The following CDH23 variants were observed in gnomAD, a reference collection of about 807,000 sequenced individuals.
CDH23 encodes the protein cadherin related 23, also known as cadherin-23.
In CDH23, 189 loss-of-function variants were observed where a neutral mutation model predicts 317.1. The observed-to-expected ratio is 0.60, with a 90% CI of 0.53 to 0.67. The LOEUF (loss-of-function observed/expected upper bound fraction) is 0.67. Among genes scored for constraint, CDH23 ranks in the 30% least tolerant of loss-of-function variants. The pLI, the probability that CDH23 is intolerant of heterozygous loss-of-function variation, is 0.00. For synonymous variants in CDH23, 1,839 were observed against 1,876.8 expected, an observed-to-expected ratio of 0.98 and a Z score of 0.52; for missense variants, 4,401 against 4,592.4, an observed-to-expected ratio of 0.96 and a Z score of 1.20.
chr10:71,732,358 A>G lies in CDH23; in HGVS notation c.4087A>G (p.Lys1363Glu). Residue 1363 changes from lysine (K) to glutamate (E), a missense_variant, in exon 32 of 70, where the codon AAG becomes GAG. By Grantham distance (56) the Lys-to-Glu change is moderately conservative. Around this residue, in one of 3 missense-constraint regions of CDH23, gnomAD observed 3,068 missense variants for 3,203.3 expected, o/e 0.96. Transcript: ENST00000224721. ...CAGCACCCAGGCCAAAGCCCTCTTC[A>G]AGATAGACGCCATCACGGTGAGGGG... ...YTSTQAKALF[K>E]IDAITGVITV... The G allele has an allele frequency of 6.4e-6, 10 of 1,569,288 alleles. No homozygotes were observed. Among genetic ancestry groups the G allele is most frequent in the Non-Finnish European group, 8.6e-6 (10 of 1,156,754 alleles).
chr10:71,465,868 G>T (rs971598355), intron 3 of CDH23, among the ~76,000 whole-genome samples: 2 of 151,596 alleles, frequency 1.3e-5, no homozygotes, highest in Non-Finnish European at 2.9e-5. Context: ...TACTGAACAA[G>T]GGGAGAGGAA....
rs143398824 is a variant in CDH23, at chr10:71,534,321, TCA to T, written c.429+23112_429+23113del. ...ACCACAGAGCACCTGTCCTGATTTT[TCA>T]CAGTTTTCTTGCCACTCTCATGTCT... On this transcript the variant is annotated intron_variant, in intron 6 of 69. Coordinates refer to ENST00000224721, the MANE Select transcript of CDH23 (RefSeq NM_022124.6). Among the ~76,000 whole-genome samples the T allele has an allele frequency of 6.3e-3, 957 of 152,270 alleles. 12 individuals are homozygous for T. Among genetic ancestry groups the T allele is most frequent in the African/African-American group, 0.019 (808 of 41,548 alleles).
At chr10:71,747,994 G>A (rs1001686411) in intron 38 of CDH23, 1 of 152,288 alleles carries the variant, frequency 6.6e-6, no homozygotes, top group Non-Finnish European at 1.5e-5. Flanking sequence ...GCTGTGGCTG[G>A]GCTTCAAGAG....
rs761623919 is a variant in CDH23, at chr10:71,645,869, C to A, written c.1179C>A (p.Asn393Lys). The A allele has an allele frequency of 5.6e-6, 9 of 1,612,996 alleles. No homozygotes were observed. The highest frequency in any genetic ancestry group is 1.3e-5 in the African/African-American group (1 of 74,926). ...NSMFEVYLVGNNSHHFIISPT... is the reference protein window; with the variant it reads ...NSMFEVYLVGKNSHHFIISPT... ...TGTTTGAGGTGTACTTGGTGGGGAA[C>A]AACTCCCACCACTTCATCATCTCCC... The change falls in exon 13 of 70, where the codon AAC (asparagine) becomes AAA (lysine). Residue 393 changes from asparagine to lysine, a missense_variant. Coordinates refer to ENST00000224721, the MANE Select transcript of CDH23 (RefSeq NM_022124.6).
At chr10:71,530,303 C>T (rs1218617690) in intron 6 of CDH23, among the ~76,000 whole-genome samples, 1 of 152,202 alleles carries the variant, frequency 6.6e-6, no homozygotes, top group Non-Finnish European at 1.5e-5. Flanking sequence ...GAGAGAGGCC[C>T]ACCTTTCCCG....
intron 6 of CDH23, among the ~76,000 whole-genome samples, chr10:71,526,928 G>A (rs1043229071): frequency 1.3e-5 from 2 of 152,124 alleles, no homozygotes; most frequent in Admixed American, 1.3e-4. Flanking sequence ...CCAAGGGCTG[G>A]GCTGCAGAGG....
In CDH23 at chr10:71,811,638, G is replaced by A. The variant is rs376351221; in HGVS notation, c.9278+48G>A. The stretch of plus-strand genomic sequence containing the variant: ...ATCAGGGGGCCGACCACCTGCTCCC[G>A]GATGGCCACGAGGCAGGCAGGGCCT... On this transcript the variant is annotated intron_variant, in intron 64 of 69. Coordinates refer to ENST00000224721, the MANE Select transcript of CDH23 (RefSeq NM_022124.6). 2.5e-5 allele frequency: 41 copies of A among 1,613,610 alleles called. No individual in the cohort carries two copies. The East Asian group carries it at 2.9e-4, about 11-fold the overall frequency.
At chr10:71,555,913 A>C (rs1856849293) in intron 6 of CDH23, among the ~76,000 whole-genome samples, 1 of 152,196 alleles carries the variant, frequency 6.6e-6, no homozygotes, top group Non-Finnish European at 1.5e-5. Context: ...CCCCAGACCC[A>C]GGCATGTGTG....
intron 6 of CDH23, among the ~76,000 whole-genome samples, chr10:71,558,790 A>G (rs538289815): frequency 2.6e-5 from 4 of 152,168 alleles, no homozygotes; most frequent in Non-Finnish European, 4.4e-5. Context: ...CAACATGTCA[A>G]TGTTTGTGTT....
intron 26 of CDH23, chr10:71,707,412 ATG>A (rs780842307): frequency 6.9e-6 from 9 of 1,306,558 alleles, no homozygotes; most frequent in South Asian, 4.3e-5. Context: ...ACTTGGAGGA[ATG>A]TGGCCTCATC....
At chr10:71,733,040 C>T (rs1479236373) in intron 32 of CDH23, among the ~76,000 whole-genome samples, 1 of 152,016 alleles carries the variant, frequency 6.6e-6, no homozygotes, top group Admixed American at 6.5e-5. Flanking sequence ...CCAATCACAA[C>T]CTCTAGGTTG....
In CDH23 at chr10:71,667,359, A is replaced by AGAGAGAGAGTGTGTGT. The variant is rs58361666; in HGVS notation, c.1450-7752_1450-7751insAGAGAGAGTGTGTGTG. ...GCTTGAGGCAGAGAAAGAGAGAGAGAGTGTGTGTGTGTGTGTGTGTGTGTG... is the reference window on the plus strand; with the variant it reads ...GCTTGAGGCAGAGAAAGAGAGAGAGAGAGAGAGAGTGTGTGTGTGTGTGTGTGTGTGTGTGTGTGTG... On this transcript the variant is annotated intron_variant, in intron 14 of 69. Coordinates refer to ENST00000224721, the MANE Select transcript of CDH23 (RefSeq NM_022124.6). Among the ~76,000 whole-genome samples, 562 of 112,036 alleles carry AGAGAGAGAGTGTGTGT rather than the reference A, an allele frequency of 5.0e-3. 4 individuals are homozygous for AGAGAGAGAGTGTGTGT. Among genetic ancestry groups the AGAGAGAGAGTGTGTGT allele is most frequent in the South Asian group, 0.014 (41 of 2,920 alleles). The allele number at this position is 112,036 out of a possible 152,430, so 73.5% of individuals were successfully genotyped here.
At position 71,812,605 on chromosome 10, in the gene CDH23, C is replaced by A. The variant is rs780704751; in HGVS notation, c.9506C>A (p.Thr3169Asn). 1 of 1,613,898 alleles carries A rather than the reference C, an allele frequency of 6.2e-7. No homozygotes were observed. The highest frequency in any genetic ancestry group is 8.5e-7 in the Non-Finnish European group (1 of 1,179,892). Reference sequence around the variant, plus strand: ...GACCTGTGGAACAGCCCCACGCGCACCCATGTGAGCCAGAGGCGGTCAGGC... The same window carrying A: ...GACCTGTGGAACAGCCCCACGCGCAACCATGTGAGCCAGAGGCGGTCAGGC... The part of the protein sequence containing the change: ...IADLWNSPTR[T>N]HGTFGREPAA... Residue 3169 changes from threonine to asparagine, a missense_variant, in exon 67 of 70, where the codon ACC (threonine) becomes AAC (asparagine). This residue lies in a region of CDH23 where 1,144 missense variants were observed against 1,138.2 expected (regional missense o/e 1.01). Coordinates refer to ENST00000224721, the MANE Select transcript of CDH23 (RefSeq NM_022124.6).
chr10:71,627,462 T>C lies in CDH23; in HGVS notation c.1134+10069T>C, dbSNP rs187870113. 2.4e-3 allele frequency among the ~76,000 whole-genome samples: 367 copies of C among 152,296 alleles called. 2 individuals carry two copies. The highest frequency in any genetic ancestry group is 8.5e-3 in the African/African-American group (353 of 41,552). On this transcript the variant is annotated intron_variant, in intron 11 of 69. Coordinates refer to ENST00000224721, the MANE Select transcript of CDH23 (RefSeq NM_022124.6). ...CCTCCCAGCGTGCTAAGCTCCAGCC[T>C]CCCTGGGGACCAGAGGGTGGCCTCT... is the stretch of plus-strand genomic sequence containing the variant.
At chr10:71,610,784 T>G (rs1008517318) in intron 9 of CDH23, among the ~76,000 whole-genome samples, 4 of 149,188 alleles carry the variant, frequency 2.7e-5, no homozygotes, top group Non-Finnish European at 5.9e-5. Flanking sequence ...TGAAAAGGTC[T>G]TGATTCCTGG....
At chr10:71,532,737 T>TTTTTTTTTTTG (rs1855471599) in intron 6 of CDH23, among the ~76,000 whole-genome samples, 5 of 86,220 alleles carry the variant, frequency 5.8e-5, no homozygotes, top group African/African-American at 9.0e-5. Context: ...GTTTTTTTTT[T>TTTTTTTTTTTG]TTTTTTTTTT....
At chr10:71,573,256 G>A (rs930540313) in intron 8 of CDH23, among the ~76,000 whole-genome samples, 6 of 152,060 alleles carry the variant, frequency 3.9e-5, no homozygotes, top group Admixed American at 1.3e-4. Flanking sequence ...CGTTGTAGTT[G>A]GCAAGAGGTG....
At chr10:71,517,330 A>G (rs1460484588) in intron 6 of CDH23, among the ~76,000 whole-genome samples, 1 of 152,112 alleles carries the variant, frequency 6.6e-6, no homozygotes, top group African/African-American at 2.4e-5. Context: ...GCTGGTGCCC[A>G]CTAGTTCCTG....
chr10:71,606,956 C>T (rs1413907824), intron 9 of CDH23, among the ~76,000 whole-genome samples: 3 of 152,166 alleles, frequency 2.0e-5, no homozygotes, highest in Non-Finnish European at 2.9e-5. Context: ...GGTTGAAAGC[C>T]GAGGTAACCC....
Sources: gnomAD v4.1 joint callset for allele counts (sites outside exome capture counted in the v4.1 genomes callset) on GRCh38, gnomAD v4.1.1 for gene constraint, gnomAD v4.1.1 regional missense constraint, MANE v1.5 for transcripts, NCBI Gene and HGNC (gene_info 2026-07-23, HGNC 2026-07-21) for gene names.